Variants in ENTREP2 observed in about 807,000 individuals in gnomAD.
ENTREP2 encodes the protein protein ENTREP2.
At chr15:29,163,041 C>G in the ENTREP2 span, among the ~76,000 whole-genome samples, 1 of 152,118 alleles carries the variant, frequency 6.6e-6, no homozygotes, top group African/African-American at 2.4e-5. Context: ...TACTGCGTGG[C>G]CAGACCCAGA....
the ENTREP2 span, among the ~76,000 whole-genome samples, chr15:29,419,004 T>C: frequency 1.3e-5 from 2 of 152,172 alleles, no homozygotes; most frequent in Non-Finnish European, 2.9e-5. Context: ...AAAATTGTAA[T>C]TAGGAAACAC....
the ENTREP2 span, among the ~76,000 whole-genome samples, chr15:29,429,081 A>G: frequency 1.3e-5 from 2 of 151,818 alleles, no homozygotes; most frequent in African/African-American, 4.8e-5. Context: ...CTATCTGTCT[A>G]TCCATCCATC....
the ENTREP2 span, among the ~76,000 whole-genome samples, chr15:29,336,609 C>A: frequency 1.3e-5 from 2 of 148,460 alleles, no homozygotes; most frequent in Non-Finnish European, 3.0e-5. Flanking sequence ...CCGCGCCCAG[C>A]CTTAGTATGT....
At chr15:29,126,136 A>T in the ENTREP2 span, 1 of 757,496 alleles carries the variant, frequency 1.3e-6, no homozygotes, top group Non-Finnish European at 2.1e-6. Flanking sequence ...GGCCATCAAG[A>T]CCACATTCCC....
At chr15:29,227,450 G>A in the ENTREP2 span, among the ~76,000 whole-genome samples, 3 of 152,122 alleles carry the variant, frequency 2.0e-5, no homozygotes, top group Admixed American at 6.5e-5. Context: ...GCGGAGGAGC[G>A]GCCTGCATAT....
chr15:29,430,171 A>G, the ENTREP2 span, among the ~76,000 whole-genome samples: 1 of 151,804 alleles, frequency 6.6e-6, no homozygotes, highest in African/African-American at 2.4e-5. Flanking sequence ...TAGAGATACC[A>G]CCTGTCTCCC....
the ENTREP2 span, chr15:29,269,569 T>C: frequency 3.9e-6 from 6 of 1,531,992 alleles, no homozygotes; most frequent in Non-Finnish European, 3.5e-6. Context: ...GCTCGGGGCC[T>C]CCTCGGCAAA....
the ENTREP2 span, among the ~76,000 whole-genome samples, chr15:29,656,990 C>T: frequency 6.6e-6 from 1 of 152,136 alleles, no homozygotes; most frequent in African/African-American, 2.4e-5. Flanking sequence ...TGCTGCCGGC[C>T]AGGGTGTTCG....
the ENTREP2 span, among the ~76,000 whole-genome samples, chr15:29,188,384 G>A: frequency 6.6e-6 from 1 of 152,024 alleles, no homozygotes; most frequent in Non-Finnish European, 1.5e-5. Flanking sequence ...CATGCATTAG[G>A]TATTTGTCCT....
chr15:29,294,109 G>GGTC, the ENTREP2 span, among the ~76,000 whole-genome samples: 1 of 152,206 alleles, frequency 6.6e-6, no homozygotes, highest in African/African-American at 2.4e-5. Flanking sequence ...GGCCCTCTGG[G>GGTC]GGGACAGTCA....
the ENTREP2 span, among the ~76,000 whole-genome samples, chr15:29,391,864 G>A: frequency 9.2e-5 from 14 of 152,162 alleles, no homozygotes; most frequent in East Asian, 1.4e-3. Flanking sequence ...TGGCTCTATC[G>A]CCCAGGCTGG....
the ENTREP2 span, among the ~76,000 whole-genome samples, chr15:29,424,270 T>G: frequency 1.3e-5 from 2 of 152,164 alleles, no homozygotes; most frequent in Admixed American, 1.3e-4. Flanking sequence ...CACCGCTGAC[T>G]GGGTGGCTTT....
chr15:29,570,214 G>A, the ENTREP2 span, among the ~76,000 whole-genome samples: 2 of 151,798 alleles, frequency 1.3e-5, no homozygotes, highest in Non-Finnish European at 2.9e-5. Flanking sequence ...GCTCCCTCCG[G>A]CCGCTGCGGG....
the ENTREP2 span, among the ~76,000 whole-genome samples, chr15:29,597,355 G>C: frequency 2.0e-5 from 3 of 151,996 alleles, no homozygotes; most frequent in Non-Finnish European, 4.4e-5. Context: ...GATCAGCTGA[G>C]GTCAGGAGTT....
the ENTREP2 span, among the ~76,000 whole-genome samples, chr15:29,437,552 C>T: frequency 2.0e-5 from 3 of 152,168 alleles, no homozygotes; most frequent in African/African-American, 7.2e-5. Flanking sequence ...TTAATAAAAT[C>T]ACCCCTTTCC....
chr15:29,599,190 T>C, the ENTREP2 span, among the ~76,000 whole-genome samples: 1 of 152,230 alleles, frequency 6.6e-6, no homozygotes, highest in Non-Finnish European at 1.5e-5. Context: ...TCACAGGACA[T>C]GTCAGGGAAG....
At chr15:29,620,866 C>G in the ENTREP2 span, among the ~76,000 whole-genome samples, 1 of 152,044 alleles carries the variant, frequency 6.6e-6, no homozygotes, top group Non-Finnish European at 1.5e-5. Context: ...ACAAATCCCT[C>G]TCATTTGATC....
chr15:29,269,333 C>T, the ENTREP2 span: 4 of 1,614,036 alleles, frequency 2.5e-6, no homozygotes, highest in Non-Finnish European at 3.4e-6. Flanking sequence ...TTGAAGAGGT[C>T]GGGGAAGATG....
At chr15:29,670,132 T>C in the ENTREP2 span, among the ~76,000 whole-genome samples, 6,178 of 152,320 alleles carry the variant, frequency 0.041, 168 homozygotes, top group South Asian at 0.067. Flanking sequence ...AAAGCCATTT[T>C]AATCTAGGCT....
Sources: allele counts gnomAD v4.1 joint callset (sites outside exome capture counted in the v4.1 genomes callset), GRCh38; gene constraint gnomAD v4.1.1; transcripts MANE v1.5; gene names NCBI Gene and HGNC (gene_info 2026-07-23, HGNC 2026-07-21).